Variants in PYCR1 observed in about 807,000 individuals in gnomAD.
PYCR1 encodes the protein pyrroline-5-carboxylate reductase 1.
A neutral mutation model predicts 22.9 loss-of-function variants in PYCR1; 19 were observed. That is an observed-to-expected ratio of 0.83 (90% CI 0.58 to 1.22). The LOEUF (loss-of-function observed/expected upper bound fraction) is 1.22. Among genes scored for constraint, PYCR1 ranks in the 50% most tolerant of loss-of-function variants. PYCR1 has a pLI of 0.00. For missense variants in PYCR1, 429 were observed against 431.3 expected, an observed-to-expected ratio of 0.99 and a Z score of 0.05; for synonymous variants, 175 against 180.5, an observed-to-expected ratio of 0.97 and a Z score of 0.24.
intron 6 of PYCR1, chr17:81,934,099 A>G (rs1243923032): frequency 3.1e-6 from 2 of 635,666 alleles, no homozygotes; most frequent in Non-Finnish European, 5.6e-6. Flanking sequence ...CACAGGGCAC[A>G]GCATCCGGGT....
At chr17:81,935,220 C>T in intron 3 of PYCR1, 73 bp from the exon 4 acceptor site, 1 of 1,562,604 alleles carries the variant, frequency 6.4e-7, no homozygotes, top group South Asian at 1.1e-5. Context: ...CCAAGCAGTG[C>T]CCGAGCTCTC....
At chr17:81,936,686 C>T in intron 1 of PYCR1, 62 bp downstream of exon 1, 1 of 1,535,964 alleles carries the variant, frequency 6.5e-7, no homozygotes, top group Non-Finnish European at 8.8e-7. Context: ...CCCAGCCCTG[C>T]AGAAGTGGAA....
intron 2 of PYCR1, 101 bp from the exon 3 acceptor site, chr17:81,935,617 T>TTTG: frequency 1.3e-5 from 7 of 535,016 alleles, no homozygotes; most frequent in Middle Eastern, 5.1e-4. Context: ...ATGCTGGAGT[T>TTTG]GGGGGTGGGC....
At position 81,934,329 on chromosome 17, in the gene PYCR1, G is replaced by A; in HGVS notation, c.794C>T (p.Thr265Ile). 1 of 1,612,890 alleles carries A rather than the reference G, an allele frequency of 6.2e-7. No homozygotes were observed. The highest frequency in any genetic ancestry group is 8.5e-7 in the Non-Finnish European group (1 of 1,179,974). ...INAVEASCIR[T>I]RELQSMADQE... ...AGCGGGCAGCGCGGGGGCCCACCGT[G>A]TGCGGATGCAGGAGGCCTCCACAGC... is the stretch of plus-strand genomic sequence containing the variant. The change falls in exon 6 of 7, where the codon ACA becomes ATA. Residue 265 changes from threonine to isoleucine, a missense_variant. Coordinates refer to ENST00000329875, the MANE Select transcript of PYCR1 (RefSeq NM_006907.4).
rs147035589 is a variant in PYCR1, at chr17:81,934,388, C to T, written c.735G>A (p.Leu245=). 24 of 1,612,622 alleles carry T rather than the reference C, an allele frequency of 1.5e-5. 1 individual carries two copies. The highest frequency in any genetic ancestry group is 1.2e-4 in the South Asian group (11 of 90,876). Reference sequence around the variant, plus strand: ...GCAGGGAGCGGAAGCCCCCACTCTCCAGCACATGCAAGGCATGGATGGTGG... The same window carrying T: ...GCAGGGAGCGGAAGCCCCCACTCTCTAGCACATGCAAGGCATGGATGGTGG... The part of the protein sequence containing the change: ...GGATIHALHV[L]ESGGFRSLLI... The change falls in exon 6 of 7, where the codon CTG becomes CTA. Residue 245 remains leucine (L), a synonymous_variant. Transcript: ENST00000329875.
At chr17:81,933,914 G>A (rs1361873046) in intron 6 of PYCR1, among the ~76,000 whole-genome samples, 1 of 152,214 alleles carries the variant, frequency 6.6e-6, no homozygotes, top group Non-Finnish European at 1.5e-5. Flanking sequence ...TTTTCCTTGT[G>A]CCTGGATGTT....
Position 81,934,400 on chromosome 17 carries a change from G to A in PYCR1, c.723C>T (p.Ala241=), listed in dbSNP as rs2041098630. The A allele has an allele frequency of 3.1e-6, 5 of 1,612,402 alleles. No individual in the cohort carries two copies. Among genetic ancestry groups the A allele is most frequent in the Non-Finnish European group, 4.2e-6 (5 of 1,179,846 alleles). ...AGCCCCCACTCTCCAGCACATGCAA[G>A]GCATGGATGGTGGCCCCACCAGGAG... is the stretch of plus-strand genomic sequence containing the variant. The part of the protein sequence containing the change: ...VSSPGGATIH[A]LHVLESGGFR... The change falls in exon 6 of 7, where the codon GCC becomes GCT. Residue 241 remains alanine (A), a synonymous_variant. Transcript: ENST00000329875.
In PYCR1 at chr17:81,932,553, G is replaced by C; in HGVS notation, c.*661C>G. On this transcript the variant is annotated 3_prime_UTR_variant, in exon 7 of 7. Coordinates refer to ENST00000329875, the MANE Select transcript of PYCR1 (RefSeq NM_006907.4). ...GTGGCAGACAGAAGTCAGGACACTGGGGGCTGGAAACCAACTTATAAAACT... is the reference window on the plus strand; with the variant it reads ...GTGGCAGACAGAAGTCAGGACACTGCGGGCTGGAAACCAACTTATAAAACT... 1 of 395,140 alleles carries C rather than the reference G, an allele frequency of 2.5e-6. No homozygotes were observed. 24.5% of individuals were successfully genotyped at this position (395,140 alleles called of 1,614,324 possible).
rs138792258 is a variant in PYCR1, at chr17:81,936,151, A to C, written c.110T>G (p.Met37Arg). The change falls in exon 2 of 7, where the codon ATG becomes AGG. Residue 37 changes from methionine (M) to arginine (R), a missense_variant. By Grantham distance (91) the Met-to-Arg change is moderately conservative (BLOSUM62 -1). Coordinates refer to ENST00000329875, the MANE Select transcript of PYCR1 (RefSeq NM_006907.4). Reference protein sequence around the residue: ...AHKIMASSPDMDLATVSALRK... With the variant: ...AHKIMASSPDRDLATVSALRK... ...GAGAGCAGAAACTGTGGCCAGGTCC[A>C]TGTCTGGGGAGCTAGCCATTATCTT... 199 of 1,613,594 alleles carry C rather than the reference A, an allele frequency of 1.2e-4. No homozygotes were observed. Among genetic ancestry groups the C allele is most frequent in the Non-Finnish European group, 3.1e-5 (37 of 1,179,822 alleles).
Position 81,937,100 on chromosome 17 carries a change from G to C in PYCR1, c.-286C>G. 7.0e-7 allele frequency: 1 copy of C among 1,431,234 alleles called. No homozygotes were observed. The highest frequency in any genetic ancestry group is 9.1e-7 in the Non-Finnish European group (1 of 1,095,934). The allele number at this position is 1,431,234 out of a possible 1,614,324, so 88.7% of individuals were successfully genotyped here. On this transcript the variant is annotated 5_prime_UTR_variant, in exon 1 of 7. Coordinates refer to ENST00000329875, the MANE Select transcript of PYCR1 (RefSeq NM_006907.4). ...TCCGCAGAAGAAATGACTGGGAAGG[G>C]GGAAAAGTACGGGGAGAGGGAGGGC...
Position 81,937,076 on chromosome 17 carries a change from C to G in PYCR1, c.-262G>C. ...CGCACCCACTGGAGGGGTGGAGGTTCCGCAGAAGAAATGACTGGGAAGGGG... is the reference window on the plus strand; with the variant it reads ...CGCACCCACTGGAGGGGTGGAGGTTGCGCAGAAGAAATGACTGGGAAGGGG... On this transcript the variant is annotated 5_prime_UTR_variant, in exon 1 of 7. Coordinates refer to ENST00000329875, the MANE Select transcript of PYCR1 (RefSeq NM_006907.4). 7.0e-7 allele frequency: 1 copy of G among 1,428,630 alleles called. No individual in the cohort carries two copies. Among genetic ancestry groups the G allele is most frequent in the East Asian group, 2.6e-5 (1 of 39,086 alleles). 88.5% of individuals were successfully genotyped at this position (1,428,630 alleles called of 1,614,324 possible).
intron 4 of PYCR1, 75 bp downstream of exon 4, chr17:81,934,851 A>AG: frequency 6.4e-7 from 1 of 1,568,038 alleles, no homozygotes; most frequent in Non-Finnish European, 8.7e-7. Flanking sequence ...TGGCCCTCCC[A>AG]GGGGGAGCAG....
Position 81,932,738 on chromosome 17 carries a change from A to C in PYCR1, c.*476T>G. On this transcript the variant is annotated 3_prime_UTR_variant, in exon 7 of 7. Transcript: ENST00000329875. ...GAGGGGCTGTGGCCCTTCACGCTGGACTTGGGATGCCTGGACCCTCTGGCC... is the reference window on the plus strand; with the variant it reads ...GAGGGGCTGTGGCCCTTCACGCTGGCCTTGGGATGCCTGGACCCTCTGGCC... The C allele has an allele frequency of 4.8e-6, 6 of 1,239,570 alleles. No individual in the cohort carries two copies. In the Admixed American group the frequency reaches 6.1e-5, roughly 13 times the overall value. 76.8% of individuals were successfully genotyped at this position (1,239,570 alleles called of 1,614,324 possible).
chr17:81,933,158 C>A lies in PYCR1; in HGVS notation c.*56G>T, dbSNP rs1449874442. The stretch of plus-strand genomic sequence containing the variant: ...GGGCCACTTTGGGGACCCCCTAGTC[C>A]CCCTAGTGACAAGAGAAGAGAAGGT... On this transcript the variant is annotated 3_prime_UTR_variant, in exon 7 of 7. Transcript: ENST00000329875. 1 of 1,610,858 alleles carries A rather than the reference C, an allele frequency of 6.2e-7. No individual in the cohort carries two copies. Among genetic ancestry groups the A allele is most frequent in the African/African-American group, 1.3e-5 (1 of 75,008 alleles).
At chr17:81,936,599 A>G in intron 1 of PYCR1, 149 bp downstream of exon 1, 1 of 850,670 alleles carries the variant, frequency 1.2e-6, no homozygotes, top group Non-Finnish European at 1.8e-6. Flanking sequence ...GAGACAGCAC[A>G]GGTAAAGCCC....
intron 2 of PYCR1, 58 bp downstream of exon 2, chr17:81,936,065 C>T (rs1462427923): frequency 2.5e-6 from 4 of 1,588,276 alleles, no homozygotes; most frequent in Non-Finnish European, 3.5e-6. Flanking sequence ...ACACTCCTGC[C>T]TCTCACACCC....
In PYCR1 at chr17:81,936,823, G is replaced by A; in HGVS notation, c.-9C>T. On this transcript the variant is annotated 5_prime_UTR_variant, in exon 1 of 7. Transcript: ENST00000329875. ...ATGAAGCCCACGCTCATGCTGTCCG[G>A]AGACCCCTGGCCCAAAGCCCCCACA... 1 of 1,605,818 alleles carries A rather than the reference G, an allele frequency of 6.2e-7. No individual in the cohort carries two copies.
At chr17:81,934,860 AGG>A (rs2041128030) in intron 4 of PYCR1, 64 bp downstream of exon 4, 3 of 1,579,716 alleles carry the variant, frequency 1.9e-6, no homozygotes, top group Non-Finnish European at 2.6e-6. Flanking sequence ...CAGGGGGAGC[AGG>A]GACAGATGTG....
In PYCR1 at chr17:81,937,028, G is replaced by T; in HGVS notation, c.-214C>A. 1 of 1,455,026 alleles carries T rather than the reference G, an allele frequency of 6.9e-7. No individual in the cohort carries two copies. The highest frequency in any genetic ancestry group is 9.0e-7 in the Non-Finnish European group (1 of 1,105,268). 90.1% of individuals were successfully genotyped at this position (1,455,026 alleles called of 1,614,324 possible). Reference sequence around the variant, plus strand: ...CGGGGCCCCCAGTCAGAGCGGCGGTGCCTGGCCTGCTGCCTAGGGTCCCGC... The same window carrying T: ...CGGGGCCCCCAGTCAGAGCGGCGGTTCCTGGCCTGCTGCCTAGGGTCCCGC... On this transcript the variant is annotated 5_prime_UTR_variant, in exon 1 of 7. Transcript: ENST00000329875.
Sources: allele counts gnomAD v4.1 joint callset (sites outside exome capture counted in the v4.1 genomes callset), GRCh38; gene constraint gnomAD v4.1.1; transcripts MANE v1.5; gene names NCBI Gene and HGNC (gene_info 2026-07-23, HGNC 2026-07-21).